Variants in THADA observed in about 807,000 individuals in gnomAD.
THADA encodes THADA armadillo repeat containing.
Under a neutral mutation model 219.8 loss-of-function variants are expected in THADA, and 213 were observed. That is an observed-to-expected ratio of 0.97 (90% CI 0.87 to 1.09). The LOEUF (loss-of-function observed/expected upper bound fraction) is 1.09, where lower values mean the gene tolerates loss of function less well. Among genes scored for constraint, THADA ranks in the 50% least tolerant of loss-of-function variants. The pLI is 0.00. For synonymous variants in THADA, 1,018 were observed against 828.9 expected, an observed-to-expected ratio of 1.23 and a Z score of -3.92; for missense variants, 2,956 against 2,311.3, an observed-to-expected ratio of 1.28 and a Z score of -5.72.
chr2:43,320,385 C>T lies in THADA; in HGVS notation c.4438+61G>A, dbSNP rs140135790. 1,544 of 1,307,924 alleles carry T rather than the reference C, an allele frequency of 1.2e-3. 2 individuals are homozygous for T. The highest frequency in any genetic ancestry group is 1.5e-3 in the Non-Finnish European group (1,403 of 922,266). The allele number at this position is 1,307,924 out of a possible 1,614,324, so 81.0% of individuals were successfully genotyped here. Reference sequence around the variant, plus strand: ...CAGTGTGTGGCAGAGCCACTCAAAACGCCATCCACATTTCAAAGATGTGTA... The same window carrying T: ...CAGTGTGTGGCAGAGCCACTCAAAATGCCATCCACATTTCAAAGATGTGTA... On this transcript the variant is annotated intron_variant, in intron 31 of 37. Coordinates refer to ENST00000405975, the MANE Select transcript of THADA (RefSeq NM_022065.5).
chr2:43,384,999 G>C (rs1366038484), intron 29 of THADA, among the ~76,000 whole-genome samples: 5 of 152,012 alleles, frequency 3.3e-5, no homozygotes, highest in Admixed American at 3.3e-4. Flanking sequence ...AAATTAGCCA[G>C]GTGTGGTGGT....
chr2:43,585,567 G>C (rs1700929004), intron 7 of THADA, among the ~76,000 whole-genome samples: 1 of 148,132 alleles, frequency 6.8e-6, no homozygotes, highest in South Asian at 2.1e-4. Flanking sequence ...TAGATAGATA[G>C]ATAGATAGAT....
intron 26 of THADA, among the ~76,000 whole-genome samples, chr2:43,467,494 C>T (rs1684400804): frequency 6.6e-6 from 1 of 152,140 alleles, no homozygotes; most frequent in South Asian, 2.1e-4. Context: ...ATGAACAATA[C>T]AATGGAATAA....
At chr2:43,286,214 G>C (rs1388475018) in intron 35 of THADA, among the ~76,000 whole-genome samples, 1 of 152,192 alleles carries the variant, frequency 6.6e-6, no homozygotes, top group Non-Finnish European at 1.5e-5. Context: ...ATGACACATA[G>C]GGCCCGTGTT....
intron 36 of THADA, among the ~76,000 whole-genome samples, chr2:43,234,268 G>C (rs531017930): frequency 5.3e-5 from 8 of 152,306 alleles, no homozygotes; most frequent in African/African-American, 1.9e-4. Flanking sequence ...TTTTGATGGT[G>C]GGGTCAGCAG....
chr2:43,291,220 C>T (rs1214373221), intron 34 of THADA, among the ~76,000 whole-genome samples: 6 of 151,606 alleles, frequency 4.0e-5, no homozygotes, highest in South Asian at 4.2e-4. Flanking sequence ...GAGGCCGAGG[C>T]GGGTGGATCA....
At chr2:43,401,463 A>G (rs1674830214) in intron 28 of THADA, among the ~76,000 whole-genome samples, 1 of 152,138 alleles carries the variant, frequency 6.6e-6, no homozygotes, top group Admixed American at 6.5e-5. Context: ...TATTTGTAGT[A>G]GAGACGGCCT....
rs1387719931 is a variant in THADA, at chr2:43,293,109, A to C, written c.4543T>G (p.Tyr1515Asp). 6.2e-7 allele frequency: 1 copy of C among 1,614,008 alleles called. No individual in the cohort carries two copies. The highest frequency in any genetic ancestry group is 8.5e-7 in the Non-Finnish European group (1 of 1,179,888). The change falls in exon 32 of 38, where the codon TAC becomes GAC. Residue 1515 changes from tyrosine (Y) to aspartate (D), a missense_variant. Coordinates refer to ENST00000405975, the MANE Select transcript of THADA (RefSeq NM_022065.5). Reference sequence around the variant, plus strand: ...GCTAGTCTGGTGAGGCTCTGGAGGTACTGGGGCAGGCCTGGCACCTTGAAG... The same window carrying C: ...GCTAGTCTGGTGAGGCTCTGGAGGTCCTGGGGCAGGCCTGGCACCTTGAAG... Reference protein sequence around the residue: ...WAFKVPGLPQYLQSLTRLAIA... With the variant: ...WAFKVPGLPQDLQSLTRLAIA...
chr2:43,397,853 A>T, intron 29 of THADA, 118 bp downstream of exon 29: 1 of 1,049,606 alleles, frequency 9.5e-7, no homozygotes, highest in Non-Finnish European at 1.4e-6. Flanking sequence ...GAAAAAAAAA[A>T]GTTCTACAGA....
intron 22 of THADA, among the ~76,000 whole-genome samples, chr2:43,509,295 G>C (rs964132252): frequency 6.6e-6 from 1 of 152,160 alleles, no homozygotes; most frequent in African/African-American, 2.4e-5. Flanking sequence ...ATTTATCTGG[G>C]AAGAGGCATA....
At chr2:43,261,369 A>G (rs1407085222) in intron 36 of THADA, among the ~76,000 whole-genome samples, 1 of 151,042 alleles carries the variant, frequency 6.6e-6, no homozygotes. Flanking sequence ...GACTACAGGC[A>G]TGCACCATCA....
intron 6 of THADA, 74 bp downstream of exon 6, chr2:43,586,628 C>T (rs1701055724): frequency 6.6e-7 from 1 of 1,506,016 alleles, no homozygotes; most frequent in South Asian, 1.2e-5. Flanking sequence ...TACCAAGAAA[C>T]TTAAAAGAGC....
intron 29 of THADA, among the ~76,000 whole-genome samples, chr2:43,378,045 T>G (rs1318110592): frequency 6.6e-6 from 1 of 152,168 alleles, no homozygotes; most frequent in African/African-American, 2.4e-5. Flanking sequence ...GGAGAAAATA[T>G]TGCAGAGGTG....
chr2:43,485,494 C>T (rs1374480166), intron 25 of THADA, among the ~76,000 whole-genome samples, 169 bp from the exon 26 acceptor site: 1 of 152,108 alleles, frequency 6.6e-6, no homozygotes, highest in Admixed American at 6.5e-5. Context: ...TGACAGTCAT[C>T]GATTCAATGA....
intron 21 of THADA, 28 bp from the exon 22 acceptor site, chr2:43,528,016 C>G: frequency 6.5e-7 from 1 of 1,542,708 alleles, no homozygotes; most frequent in African/African-American, 1.4e-5. Flanking sequence ...AAACAAATGT[C>G]CGATTTATGT....
chr2:43,358,487 G>C (rs917816256), intron 29 of THADA, among the ~76,000 whole-genome samples: 1 of 152,230 alleles, frequency 6.6e-6, no homozygotes, highest in East Asian at 1.9e-4. Context: ...GGGGGAGATA[G>C]GTGGCAGCCT....
At chr2:43,241,561 AG>A (rs1172176457) in intron 36 of THADA, among the ~76,000 whole-genome samples, 2 of 148,718 alleles carry the variant, frequency 1.3e-5, no homozygotes, top group African/African-American at 4.9e-5. Context: ...AGGGGTGCAA[AG>A]GGACTATTTA....
intron 11 of THADA, among the ~76,000 whole-genome samples, chr2:43,573,738 G>C (rs1243707097): frequency 6.6e-6 from 1 of 152,124 alleles, no homozygotes; most frequent in Non-Finnish European, 1.5e-5. Context: ...TTGTTAAACA[G>C]AATGTAATAA....
chr2:43,526,046 T>C (rs1157608308), intron 22 of THADA, among the ~76,000 whole-genome samples: 1 of 152,226 alleles, frequency 6.6e-6, no homozygotes, highest in Non-Finnish European at 1.5e-5. Context: ...TGTAGGAAAT[T>C]CTATAATGCA....
Sources: allele counts gnomAD v4.1 joint callset (sites outside exome capture counted in the v4.1 genomes callset), GRCh38; gene constraint gnomAD v4.1.1; transcripts MANE v1.5; gene names NCBI Gene and HGNC (gene_info 2026-07-23, HGNC 2026-07-21).